AFF3: variants seen among roughly 807,000 people sequenced by gnomAD.
AFF3 encodes the protein ALF transcription elongation factor 3.
A neutral mutation model predicts 129.7 loss-of-function variants in AFF3; 32 were observed. That is an observed-to-expected ratio of 0.25 (90% CI 0.19 to 0.33). The LOEUF (loss-of-function observed/expected upper bound fraction) is 0.33. Among genes scored for constraint, AFF3 ranks in the 10% least tolerant of loss-of-function variants. The probability of loss-of-function intolerance (pLI) is 1.00; values close to 1 mark genes in which losing one functional copy is unlikely to be tolerated. For synonymous variants in AFF3, 644 were observed against 635.4 expected (o/e 1.01, Z -0.20); for missense variants, 1,373 against 1,592.0 (o/e 0.86, Z 2.34).
intron 8 of AFF3, among the ~76,000 whole-genome samples, chr2:99,786,703 C>A (rs1174719313): frequency 6.6e-6 from 1 of 152,072 alleles, no homozygotes; most frequent in Non-Finnish European, 1.5e-5. Flanking sequence ...TAAACTATAA[C>A]TTCAAACTAA....
intron 11 of AFF3, among the ~76,000 whole-genome samples, chr2:99,695,938 G>GAAA (rs10719354): frequency 6.1e-4 from 35 of 57,648 alleles, no homozygotes; most frequent in East Asian, 1.3e-3. Context: ...CTGGAAAAAT[G>GAAA]AAAAAAAAAA....
At chr2:100,014,954 ATTTTTTTTTT>A (rs562822524) in intron 4 of AFF3, among the ~76,000 whole-genome samples, 3 of 121,656 alleles carry the variant, frequency 2.5e-5, no homozygotes, top group Non-Finnish European at 3.3e-5. Flanking sequence ...CAGCCAGCTA[ATTTTTTTTTT>A]TTTTTTTTTT....
chr2:100,056,061 T>TCACACACACACACACACA (rs760665941), intron 4 of AFF3, among the ~76,000 whole-genome samples: 1 of 133,468 alleles, frequency 7.5e-6, no homozygotes, highest in African/African-American at 3.0e-5. Flanking sequence ...GCTGTCTCTC[T>TCACACACACACACACACA]CTCACACACA....
intron 10 of AFF3, among the ~76,000 whole-genome samples, chr2:99,736,830 G>A (rs1427762785): frequency 6.6e-6 from 1 of 151,652 alleles, no homozygotes; most frequent in Admixed American, 6.6e-5. Context: ...GGCTTGTCTC[G>A]AACTCCTGGC....
At chr2:99,671,248 T>A (rs571412864) in intron 12 of AFF3, among the ~76,000 whole-genome samples, 46 of 152,210 alleles carry the variant, frequency 3.0e-4, no homozygotes, top group Non-Finnish European at 6.5e-4. Context: ...GAAGCCAAAA[T>A]TAGGAGTGAA....
intron 16 of AFF3, among the ~76,000 whole-genome samples, chr2:99,583,484 G>A (rs1269387196): frequency 3.3e-5 from 5 of 152,118 alleles, no homozygotes. Flanking sequence ...CTGGGCTCAG[G>A]CAATCCTCCC....
At chr2:99,878,518 G>C (rs1294405010) in intron 7 of AFF3, among the ~76,000 whole-genome samples, 1 of 152,132 alleles carries the variant, frequency 6.6e-6, no homozygotes, top group Non-Finnish European at 1.5e-5. Context: ...ATAACAAGTA[G>C]ATTTTAATAA....
chr2:99,659,236 G>A (rs185517206), intron 12 of AFF3, among the ~76,000 whole-genome samples: 23 of 152,298 alleles, frequency 1.5e-4, no homozygotes, highest in Non-Finnish European at 2.9e-5. Context: ...AGAATCAGGT[G>A]GCTGAAATGT....
chr2:99,673,119 T>C (rs1575659819), intron 11 of AFF3, among the ~76,000 whole-genome samples: 1 of 152,032 alleles, frequency 6.6e-6, no homozygotes, highest in African/African-American at 2.4e-5. Context: ...AATTACTTGT[T>C]TAGTGTTTTC....
intron 4 of AFF3, among the ~76,000 whole-genome samples, chr2:100,021,084 C>T (rs1436028858): frequency 6.6e-6 from 1 of 152,184 alleles, no homozygotes; most frequent in East Asian, 1.9e-4. Flanking sequence ...CTGAAGGTCT[C>T]ACTTTAGTGA....
At chr2:99,931,585 A>G (rs978892060) in intron 7 of AFF3, among the ~76,000 whole-genome samples, 3 of 152,214 alleles carry the variant, frequency 2.0e-5, no homozygotes, top group African/African-American at 2.4e-5. Context: ...AGAGATCACT[A>G]CAATTCCTTT....
intron 13 of AFF3, among the ~76,000 whole-genome samples, chr2:99,648,225 C>A (rs1219703398): frequency 6.6e-6 from 1 of 152,056 alleles, no homozygotes; most frequent in Non-Finnish European, 1.5e-5. Flanking sequence ...CAAGGTTGTG[C>A]AACCATCACC....
chr2:99,927,618 A>T (rs1696353451), intron 7 of AFF3, among the ~76,000 whole-genome samples: 1 of 152,194 alleles, frequency 6.6e-6, no homozygotes, highest in Admixed American at 6.5e-5. Context: ...AGAAAAAAAT[A>T]ACTAATGATT....
chr2:99,627,154 G>A (rs1412997779), intron 13 of AFF3, among the ~76,000 whole-genome samples: 1 of 152,164 alleles, frequency 6.6e-6, no homozygotes, highest in East Asian at 1.9e-4. Context: ...AATCACCAGT[G>A]TTTTCCACAA....
chr2:100,056,906 T>C (rs899035721), intron 4 of AFF3, among the ~76,000 whole-genome samples: 1 of 152,148 alleles, frequency 6.6e-6, no homozygotes, highest in African/African-American at 2.4e-5. Context: ...GAAAAGTGTC[T>C]GGTTTTTTGA....
chr2:99,675,958 T>C (rs1481774796), intron 11 of AFF3, among the ~76,000 whole-genome samples: 2 of 148,864 alleles, frequency 1.3e-5, no homozygotes, highest in Admixed American at 1.3e-4. Context: ...ATTAGGCTAC[T>C]GGGGAGGGGT....
intron 4 of AFF3, among the ~76,000 whole-genome samples, chr2:100,091,012 C>T (rs1298556376): frequency 1.3e-5 from 2 of 152,108 alleles, no homozygotes; most frequent in East Asian, 1.9e-4. Flanking sequence ...ATTTTAAGGT[C>T]GCATGGGACC....
At position 100,084,080 on chromosome 2, in the gene AFF3, C is replaced by A. The variant is rs545058407; in HGVS notation, c.53+20322G>T. 2.6e-5 allele frequency among the ~76,000 whole-genome samples: 4 copies of A among 152,332 alleles called. No individual in the cohort carries two copies. The South Asian group carries it at 8.3e-4, about 32-fold the overall frequency. ...ATTCTCTCTCACTGATTAAACTATT[C>A]TACTACAAATTGTTGATGCCTTTGG... is the stretch of plus-strand genomic sequence containing the variant. On this transcript the variant is annotated intron_variant, in intron 4 of 24. Transcript: ENST00000672756.
chr2:99,829,980 G>A (rs995583666), intron 8 of AFF3, among the ~76,000 whole-genome samples: 2 of 152,138 alleles, frequency 1.3e-5, no homozygotes, highest in African/African-American at 4.8e-5. Flanking sequence ...TCCTTTGCAG[G>A]GACATAGATG....
Sources: gnomAD v4.1 joint callset for allele counts (sites outside exome capture counted in the v4.1 genomes callset) on GRCh38, gnomAD v4.1.1 for gene constraint, MANE v1.5 for transcripts, NCBI Gene and HGNC (gene_info 2026-07-23, HGNC 2026-07-21) for gene names.